The following EPCAM variants were observed in gnomAD, a reference collection of about 807,000 sequenced individuals.
EPCAM encodes the protein epithelial cell adhesion molecule.
EPCAM carries 39 observed loss-of-function variants against 40.0 expected under a neutral mutation model. The ratio of observed to expected loss-of-function variants is 0.98; its 90% CI spans 0.76 to 1.27. The LOEUF is 1.27. EPCAM is among the 50% of genes most tolerant of loss of function. The pLI, the probability that EPCAM is intolerant of heterozygous loss-of-function variation, is 0.00. For synonymous variants in EPCAM, 168 were observed against 132.3 expected (o/e 1.27, Z -1.85); for missense variants, 503 against 381.2 (o/e 1.32, Z -2.66).
chr2:47,385,260 C>A (rs769424339), intron 8 of EPCAM, 50 bp downstream of exon 8: 1 of 1,408,892 alleles, frequency 7.1e-7, no homozygotes, highest in Non-Finnish European at 1.0e-6. Context: ...ATCTCTTACT[C>A]CTAATCACTC....
chr2:47,386,550 T>G (rs1011988024), intron 8 of EPCAM, 22 bp from the exon 9 acceptor site: 14 of 1,580,358 alleles, frequency 8.9e-6, no homozygotes, highest in African/African-American at 1.3e-5. Context: ...AGAATTTTTT[T>G]CTGTGCTTTT....
chr2:47,374,212 C>T (rs112159192), intron 3 of EPCAM, among the ~76,000 whole-genome samples, 164 bp downstream of exon 3: 134 of 152,242 alleles, frequency 8.8e-4, no homozygotes, highest in African/African-American at 3.1e-3. Context: ...ACCCATTGGA[C>T]CTCCACAGAA....
In EPCAM at chr2:47,379,808, C is replaced by T. The variant is rs1671533365; in HGVS notation, c.697C>T (p.Leu233=). 1.2e-6 allele frequency: 2 copies of T among 1,613,722 alleles called. No individual in the cohort carries two copies. The highest frequency in any genetic ancestry group is 1.7e-6 in the Non-Finnish European group (2 of 1,179,890). The change falls in exon 7 of 9, where the codon CTG becomes TTG. Residue 233 remains leucine, a synonymous_variant. Transcript: ENST00000263735. ...ESLFHSKKMD[L]TVNGEQLDLD... ...CTTGTTTCATTCTAAGAAAATGGACCTGACAGTAAATGGGGAACAACTGGA... is the reference window on the plus strand; with the variant it reads ...CTTGTTTCATTCTAAGAAAATGGACTTGACAGTAAATGGGGAACAACTGGA...
intron 8 of EPCAM, among the ~76,000 whole-genome samples, chr2:47,385,725 C>CTG (rs5830961): frequency 0.56 from 85,178 of 151,806 alleles, 26,168 homozygotes; most frequent in African/African-American, 0.81. Context: ...TTTCACATAT[C>CTG]TCAATTTTTG....
chr2:47,386,681 T>G lies in EPCAM; in HGVS notation c.*68T>G, dbSNP rs1320055850. 2 of 1,225,426 alleles carry G rather than the reference T, an allele frequency of 1.6e-6. No individual in the cohort carries two copies. The highest frequency in any genetic ancestry group is 3.0e-5 in the African/African-American group (2 of 67,496). The allele number at this position is 1,225,426 out of a possible 1,614,324, so 75.9% of individuals were successfully genotyped here. On this transcript the variant is annotated 3_prime_UTR_variant, in exon 9 of 9. Coordinates refer to ENST00000263735, the MANE Select transcript of EPCAM (RefSeq NM_002354.3). ...GACACAAATTACAAATGTGTGTGCG[T>G]GGGACGAAGACATCTTTGAAGGTCA...
intron 7 of EPCAM, among the ~76,000 whole-genome samples, chr2:47,384,208 A>G (rs1455496026): frequency 2.0e-5 from 3 of 150,974 alleles, no homozygotes; most frequent in South Asian, 2.1e-4. Context: ...GGTTCAAGCT[A>G]TTCTCCTGCC....
Position 47,386,088 on chromosome 2 carries a change from A to G in EPCAM, c.904-484A>G, listed in dbSNP as rs116948735. 3.2e-4 allele frequency among the ~76,000 whole-genome samples: 49 copies of G among 152,280 alleles called. No individual in the cohort carries two copies. The East Asian group carries it at 9.2e-3, about 29-fold the overall frequency. The stretch of plus-strand genomic sequence containing the variant: ...GGACCTGTTGCAAGGATTAAACATA[A>G]TCAGTGTAAAGTGTTGGTCCCATGC... On this transcript the variant is annotated intron_variant, in intron 8 of 8. Coordinates refer to ENST00000263735, the MANE Select transcript of EPCAM (RefSeq NM_002354.3).
intron 5 of EPCAM, among the ~76,000 whole-genome samples, chr2:47,378,088 G>A (rs561308512): frequency 8.6e-5 from 13 of 152,000 alleles, no homozygotes; most frequent in Non-Finnish European, 1.2e-4. Flanking sequence ...CAAAATAGCC[G>A]AATGTGGTGG....
rs555389679 is a variant in EPCAM at position 47,382,589 on chromosome 2, G to T, written c.859-2577G>T. ...TCATTCTGGCTACTCAGGAGGCTGA[G>T]GCAGGAGAGTCACTTGAACCCAGGA... On this transcript the variant is annotated intron_variant, in intron 7 of 8. Transcript: ENST00000263735. 1.7e-4 allele frequency among the ~76,000 whole-genome samples: 26 copies of T among 152,292 alleles called. 1 individual carries two copies. The South Asian group carries it at 5.2e-3, about 30-fold the overall frequency.
Position 47,378,768 on chromosome 2 carries a change from T to C in EPCAM, c.556-185T>C, listed in dbSNP as rs190288635. Among the ~76,000 whole-genome samples, 571 of 152,270 alleles carry C rather than the reference T, an allele frequency of 3.7e-3. 9 individuals are homozygous for C. The highest frequency in any genetic ancestry group is 0.034 in the Admixed American group (515 of 15,290). ...GGCTGTCTTATTTCCCTTTGATAGA[T>C]TTAGAGACCTCCCAAAGATTTCTTG... On this transcript the variant is annotated intron_variant, in intron 5 of 8. Transcript: ENST00000263735.
At chr2:47,378,917 T>G (rs759445613) in intron 5 of EPCAM, 36 bp from the exon 6 acceptor site, 18 of 868,886 alleles carry the variant, frequency 2.1e-5, no homozygotes, top group Non-Finnish European at 3.4e-5. Context: ...TTGATTATAT[T>G]AGTATTAATT....
chr2:47,379,693 A>C (rs886832889), intron 6 of EPCAM, 76 bp from the exon 7 acceptor site: 1 of 1,528,776 alleles, frequency 6.5e-7, no homozygotes, highest in Admixed American at 1.8e-5. Flanking sequence ...TTTGGCATAC[A>C]ATTTGTATGT....
At chr2:47,371,065 G>A (rs1283354674) in intron 1 of EPCAM, among the ~76,000 whole-genome samples, 3 of 152,118 alleles carry the variant, frequency 2.0e-5, no homozygotes, top group Non-Finnish European at 4.4e-5. Flanking sequence ...GGCTGGTCTC[G>A]AACTCCTGGG....
chr2:47,376,954 C>A (rs2103753029), intron 4 of EPCAM, 60 bp from the exon 5 acceptor site: 1 of 1,126,176 alleles, frequency 8.9e-7, no homozygotes, highest in Non-Finnish European at 1.4e-6. Context: ...AAGAGTAGTG[C>A]TTCTTACTGT....
intron 7 of EPCAM, among the ~76,000 whole-genome samples, chr2:47,384,019 C>T (rs1005467883): frequency 6.6e-6 from 1 of 151,892 alleles, no homozygotes; most frequent in African/African-American, 2.4e-5. Flanking sequence ...TTGGATCCAG[C>T]ATTGTTTTTG....
At chr2:47,376,089 T>G (rs1671416152) in intron 4 of EPCAM, among the ~76,000 whole-genome samples, 1 of 152,096 alleles carries the variant, frequency 6.6e-6, no homozygotes, top group Non-Finnish European at 1.5e-5. Flanking sequence ...CAGGACCCAG[T>G]CCAAGATCCA....
At chr2:47,381,606 G>C (rs904181948) in intron 7 of EPCAM, among the ~76,000 whole-genome samples, 1 of 152,104 alleles carries the variant, frequency 6.6e-6, no homozygotes, top group East Asian at 1.9e-4. Flanking sequence ...TAGTAGGAAA[G>C]GCGTTGGGCA....
At chr2:47,372,759 G>A (rs1451678993) in intron 1 of EPCAM, among the ~76,000 whole-genome samples, 1 of 151,984 alleles carries the variant, frequency 6.6e-6, no homozygotes, top group Non-Finnish European at 1.5e-5. Flanking sequence ...ACGACAGAGT[G>A]AGACTCTGTC....
intron 7 of EPCAM, 100 bp from the exon 8 acceptor site, chr2:47,385,066 T>G (rs1177336165): frequency 1.1e-6 from 1 of 947,260 alleles, no homozygotes; most frequent in Non-Finnish European, 1.7e-6. Flanking sequence ...TTAGTTTTTT[T>G]TCAGATCAAA....
Sources: allele counts gnomAD v4.1 joint callset (sites outside exome capture counted in the v4.1 genomes callset), GRCh38; gene constraint gnomAD v4.1.1; transcripts MANE v1.5; gene names NCBI Gene and HGNC (gene_info 2026-07-23, HGNC 2026-07-21).